GFPT1: variants seen among roughly 807,000 people sequenced by gnomAD.
The protein encoded by GFPT1 is glutamine--fructose-6-phosphate transaminase 1.
GFPT1 carries 40 observed loss-of-function variants against 92.0 expected under a neutral mutation model. The ratio of observed to expected loss-of-function variants is 0.43; its 90% CI spans 0.34 to 0.57. The LOEUF (loss-of-function observed/expected upper bound fraction) is 0.57, where lower values mean the gene tolerates loss of function less well. Among genes scored for constraint, GFPT1 ranks in the 20% least tolerant of loss-of-function variants. The pLI, the probability that GFPT1 is intolerant of heterozygous loss-of-function variation, is 0.02. For missense variants in GFPT1, 448 were observed against 869.1 expected (o/e 0.52, Z 6.09); for synonymous variants, 269 against 280.6 (o/e 0.96, Z 0.41).
At chr2:69,376,132 G>C (rs6747567) in intron 1 of GFPT1, among the ~76,000 whole-genome samples, 101,347 of 151,962 alleles carry the variant, frequency 0.67, 35,432 homozygotes, top group African/African-American at 0.9. Flanking sequence ...GATTAAACAC[G>C]TACAGATAAC....
intron 1 of GFPT1, among the ~76,000 whole-genome samples, chr2:69,378,565 AC>A (rs1389304762): frequency 3.3e-5 from 5 of 152,224 alleles, no homozygotes; most frequent in Non-Finnish European, 5.9e-5. Context: ...AAATTCAATG[AC>A]AAAAAAGCAA....
Position 69,321,278 on chromosome 2 carries a change from C to G in GFPT1, c.*4911G>C, listed in dbSNP as rs1670397145. The G allele has an allele frequency of 6.6e-6, 1 of 152,242 alleles. No individual in the cohort carries two copies. Among genetic ancestry groups the G allele is most frequent in the South Asian group, 2.1e-4 (1 of 4,824 alleles). 9.4% of individuals were successfully genotyped at this position (152,242 alleles called of 1,614,324 possible). A position where few individuals can be genotyped will look rare whatever the true frequency, so the allele number is the denominator to read the frequency against. ...GAGTTTGGTATCAGAAAGGGCAGAG[C>G]CTTTGTTTTATCTAACGATTCTTTC... On this transcript the variant is annotated 3_prime_UTR_variant, in exon 20 of 20. Transcript: ENST00000357308.
chr2:69,344,652 T>C (rs1671039460), intron 12 of GFPT1, among the ~76,000 whole-genome samples: 1 of 146,588 alleles, frequency 6.8e-6, no homozygotes, highest in Admixed American at 6.8e-5. Flanking sequence ...AAGTACTCTT[T>C]TTTATTTTTT....
At chr2:69,352,727 A>G (rs1671241400) in intron 9 of GFPT1, among the ~76,000 whole-genome samples, 1 of 152,042 alleles carries the variant, frequency 6.6e-6, no homozygotes, top group Non-Finnish European at 1.5e-5. Context: ...TTCAAATAAC[A>G]AAGTATATTT....
chr2:69,324,551 C>T lies in GFPT1; in HGVS notation c.*1638G>A, dbSNP rs1670486545. On this transcript the variant is annotated 3_prime_UTR_variant, in exon 20 of 20. Coordinates refer to ENST00000357308, the MANE Select transcript of GFPT1 (RefSeq NM_001244710.2). ...GTTTCTAGTCACCATGTATGAAAGT[C>T]CTTCCAAATTACCTCAAAATATAAC... The T allele has an allele frequency of 6.6e-6, 1 of 151,992 alleles. No homozygotes were observed. The highest frequency in any genetic ancestry group is 2.1e-4 in the South Asian group (1 of 4,810). 9.4% of individuals were successfully genotyped at this position (151,992 alleles called of 1,614,324 possible). A position where few individuals can be genotyped will look rare whatever the true frequency, so the allele number is the denominator to read the frequency against.
At chr2:69,361,176 G>A (rs1214456338) in intron 4 of GFPT1, among the ~76,000 whole-genome samples, 5 of 151,890 alleles carry the variant, frequency 3.3e-5, no homozygotes, top group Non-Finnish European at 7.4e-5. Flanking sequence ...TGCCGGGTGC[G>A]GTGGCTCATG....
chr2:69,362,920 T>C (rs1361274442), intron 4 of GFPT1, among the ~76,000 whole-genome samples: 1 of 152,108 alleles, frequency 6.6e-6, no homozygotes, highest in African/African-American at 2.4e-5. Context: ...TATACATTTC[T>C]AGAGAGATAT....
At position 69,328,397 on chromosome 2, in the gene GFPT1, A is replaced by T. The variant is rs749094692; in HGVS notation, c.1767T>A (p.Leu589=). The T allele has an allele frequency of 4.3e-6, 7 of 1,613,610 alleles. No homozygotes were observed. Among genetic ancestry groups the T allele is most frequent in the Non-Finnish European group, 5.9e-6 (7 of 1,179,548 alleles). ...EITYMHSEGI[L]AGELKHGPLA... ...GAGGGCCATGTTTCAATTCACCAGC[A>T]AGGATGCCTTCAGAGTGCATATAAG... is the stretch of plus-strand genomic sequence containing the variant. Residue 589 remains leucine (L), a synonymous_variant, in exon 18 of 20, where the codon CTT becomes CTA. Transcript: ENST00000357308.
intron 19 of GFPT1, 26 bp downstream of exon 19, chr2:69,326,888 G>C: frequency 4.3e-6 from 7 of 1,612,108 alleles, no homozygotes; most frequent in Non-Finnish European, 5.9e-6. Context: ...ACCATCCCAA[G>C]ATTTCTGCAG....
At chr2:69,375,011 A>C (rs1417022909) in intron 1 of GFPT1, among the ~76,000 whole-genome samples, 1 of 152,254 alleles carries the variant, frequency 6.6e-6, no homozygotes, top group African/African-American at 2.4e-5. Flanking sequence ...GAAAAAGAGC[A>C]ATCATTTGGA....
intron 5 of GFPT1, 146 bp from the exon 6 acceptor site, chr2:69,358,609 C>T (rs1671398826): frequency 3.0e-6 from 2 of 661,648 alleles, no homozygotes; most frequent in Non-Finnish European, 5.3e-6. Flanking sequence ...AAGTCACCAG[C>T]TGATCAGTGA....
At chr2:69,349,830 G>C (rs1165630719) in intron 10 of GFPT1, among the ~76,000 whole-genome samples, 1 of 152,060 alleles carries the variant, frequency 6.6e-6, no homozygotes, top group Admixed American at 6.6e-5. Context: ...AAATGTAAGA[G>C]CTCTAAAATA....
intron 4 of GFPT1, among the ~76,000 whole-genome samples, chr2:69,361,332 C>T (rs1380156321): frequency 6.6e-6 from 1 of 151,244 alleles, no homozygotes; most frequent in Admixed American, 6.6e-5. Flanking sequence ...CCTGTAATTC[C>T]AGCTACTTGG....
chr2:69,329,513 C>G, intron 16 of GFPT1, 89 bp from the exon 17 acceptor site: 1 of 1,088,198 alleles, frequency 9.2e-7, no homozygotes, highest in Admixed American at 1.9e-5. Context: ...ACCAGTGTTT[C>G]TATTCCTCTG....
intron 13 of GFPT1, among the ~76,000 whole-genome samples, chr2:69,340,074 AC>A (rs1222501733): frequency 2.6e-5 from 4 of 151,616 alleles, no homozygotes. Context: ...AAAGTAATAA[AC>A]CCCAAAAAAG....
At chr2:69,346,804 A>C (rs1671093495) in intron 11 of GFPT1, among the ~76,000 whole-genome samples, 1 of 151,890 alleles carries the variant, frequency 6.6e-6, no homozygotes, top group African/African-American at 2.4e-5. Flanking sequence ...ATCACCGCTC[A>C]CTGCAGCCTC....
At chr2:69,349,779 C>T (rs1671163285) in intron 10 of GFPT1, among the ~76,000 whole-genome samples, 1 of 152,012 alleles carries the variant, frequency 6.6e-6, no homozygotes, top group African/African-American at 2.4e-5. Flanking sequence ...GAATCTCCTC[C>T]CTTCAAAACC....
At chr2:69,349,795 A>G (rs1671163571) in intron 10 of GFPT1, among the ~76,000 whole-genome samples, 5 of 152,176 alleles carry the variant, frequency 3.3e-5, no homozygotes, top group Admixed American at 3.3e-4. Context: ...AAACCTGGAT[A>G]AGGCTCCTGA....
At chr2:69,379,577 G>A (rs569126834) in intron 1 of GFPT1, among the ~76,000 whole-genome samples, 13 of 151,914 alleles carry the variant, frequency 8.6e-5, no homozygotes, top group African/African-American at 1.9e-4. Context: ...CTGCTCTGTC[G>A]CCCAGGCTGG....
Sources: allele counts gnomAD v4.1 joint callset (sites outside exome capture counted in the v4.1 genomes callset), GRCh38; gene constraint gnomAD v4.1.1; transcripts MANE v1.5; gene names NCBI Gene and HGNC (gene_info 2026-07-23, HGNC 2026-07-21).